SCHIP1: variants seen among roughly 807,000 people sequenced by gnomAD.
SCHIP1 encodes schwannomin-interacting protein 1.
Under a neutral mutation model 29.7 loss-of-function variants are expected in SCHIP1, and 8 were observed. The ratio of observed to expected loss-of-function variants is 0.27; its 90% CI spans 0.16 to 0.49. The LOEUF (loss-of-function observed/expected upper bound fraction) is 0.49. SCHIP1 is among the 20% of genes least tolerant of loss of function. The pLI is 0.99. For missense variants in SCHIP1, 193 were observed against 294.6 expected, an observed-to-expected ratio of 0.66 and a Z score of 2.52; for synonymous variants, 76 against 94.9, an observed-to-expected ratio of 0.80 and a Z score of 1.16.
At chr3:159,851,116 AT>A (rs1487177427) in intron 1 of SCHIP1, among the ~76,000 whole-genome samples, 5 of 152,092 alleles carry the variant, frequency 3.3e-5, no homozygotes, top group African/African-American at 1.2e-4. Context: ...CCTACAAAAA[AT>A]TTTTTAAATT....
At chr3:159,640,601 A>G in the SCHIP1 span, among the ~76,000 whole-genome samples, 4 of 152,154 alleles carry the variant, frequency 2.6e-5, no homozygotes, top group Non-Finnish European at 4.4e-5. Flanking sequence ...GCCTTAATTT[A>G]TGAGAAACTG....
At chr3:159,876,797 C>A (rs1364118347) in intron 2 of SCHIP1, among the ~76,000 whole-genome samples, 2 of 152,214 alleles carry the variant, frequency 1.3e-5, no homozygotes, top group African/African-American at 2.4e-5. Context: ...AACTTTCCAG[C>A]TCTCCACTTA....
chr3:159,687,281 G>C, the SCHIP1 span, among the ~76,000 whole-genome samples: 12 of 151,850 alleles, frequency 7.9e-5, no homozygotes, highest in African/African-American at 2.9e-4. Context: ...TCCCCACCAA[G>C]ACTCAACCAA....
chr3:159,398,161 G>A, the SCHIP1 span, among the ~76,000 whole-genome samples: 2 of 152,132 alleles, frequency 1.3e-5, no homozygotes, highest in Admixed American at 6.6e-5. Flanking sequence ...CCCGAGTGAG[G>A]CAATGCCTCA....
At chr3:159,510,468 C>T in the SCHIP1 span, among the ~76,000 whole-genome samples, 1 of 152,220 alleles carries the variant, frequency 6.6e-6, no homozygotes, top group Non-Finnish European at 1.5e-5. Flanking sequence ...TCTCTCAACT[C>T]GTCAAAGTCA....
the SCHIP1 span, among the ~76,000 whole-genome samples, chr3:159,469,376 T>G: frequency 1.3e-5 from 2 of 152,186 alleles, no homozygotes; most frequent in African/African-American, 4.8e-5. Flanking sequence ...CATCCTAATT[T>G]AAGCATAATT....
At position 159,882,996 on chromosome 3, in the gene SCHIP1, G is replaced by A. The variant is rs185652477; in HGVS notation, c.150-3211G>A. Among the ~76,000 whole-genome samples the A allele has an allele frequency of 3.7e-4, 57 of 152,306 alleles. 1 individual carries two copies. Among genetic ancestry groups the A allele is most frequent in the Admixed American group, 3.3e-3 (51 of 15,302 alleles). ...ATGTTTCCGGGCATTCTCCGTCAAG[G>A]ACACTTTCTTTCCAGACCCCTGGTG... On this transcript the variant is annotated intron_variant, in intron 2 of 6. Transcript: ENST00000445224.
At chr3:159,726,124 T>A in the SCHIP1 span, among the ~76,000 whole-genome samples, 1 of 152,146 alleles carries the variant, frequency 6.6e-6, no homozygotes, top group Admixed American at 6.5e-5. Flanking sequence ...TAAAACTGAA[T>A]GAAGGTATAT....
At chr3:159,881,899 G>A (rs552639885) in intron 2 of SCHIP1, among the ~76,000 whole-genome samples, 11 of 152,358 alleles carry the variant, frequency 7.2e-5, no homozygotes, top group African/African-American at 1.7e-4. Flanking sequence ...TCTCACACGT[G>A]TCTAGGGCTT....
Position 159,866,160 on chromosome 3 carries a change from T to A in SCHIP1, c.31-3T>A, listed in dbSNP as rs2109257545. 1.2e-6 allele frequency: 2 copies of A among 1,612,758 alleles called. No homozygotes were observed. The highest frequency in any genetic ancestry group is 4.5e-5 in the East Asian group (2 of 44,858). The stretch of plus-strand genomic sequence containing the variant: ...AGCATTTTTTATTTTCTTGAAATTT[T>A]AGGCACAGAAAAATGAGAGAGAGTC... On this transcript the variant is annotated splice_polypyrimidine_tract_variant and splice_region_variant and intron_variant, in intron 1 of 6. Transcript: ENST00000445224.
chr3:159,547,951 T>C, the SCHIP1 span, among the ~76,000 whole-genome samples: 1 of 152,200 alleles, frequency 6.6e-6, no homozygotes, highest in Admixed American at 6.6e-5. Context: ...TGATTTTCTG[T>C]AGTATTCTAT....
At chr3:159,680,693 ATATAATATATATTATATATAATATATG>A in the SCHIP1 span, among the ~76,000 whole-genome samples, 1 of 6,882 alleles carries the variant, frequency 1.5e-4, no homozygotes, top group East Asian at 0.011. Context: ...ATATGTATAT[ATATAATATATATTATATATAATATATG>A]TATATATATA....
chr3:159,754,057 C>T, the SCHIP1 span, among the ~76,000 whole-genome samples: 1 of 128,816 alleles, frequency 7.8e-6, no homozygotes, highest in Non-Finnish European at 1.8e-5. Context: ...TGTTCCTCCA[C>T]TAGACTTAAA....
At chr3:159,810,683 G>A in the SCHIP1 span, among the ~76,000 whole-genome samples, 3 of 152,268 alleles carry the variant, frequency 2.0e-5, no homozygotes, top group African/African-American at 4.8e-5. Context: ...TTGTATGGCC[G>A]TATTATATTT....
the SCHIP1 span, among the ~76,000 whole-genome samples, chr3:159,415,642 T>A: frequency 6.6e-6 from 1 of 152,234 alleles, no homozygotes; most frequent in African/African-American, 2.4e-5. Flanking sequence ...TTTATGGCTG[T>A]GTAGTATTCC....
At chr3:159,726,269 A>C in the SCHIP1 span, among the ~76,000 whole-genome samples, 3 of 152,228 alleles carry the variant, frequency 2.0e-5, no homozygotes, top group South Asian at 2.1e-4. Flanking sequence ...CTTCTGCTGT[A>C]CTGGATTTGC....
the SCHIP1 span, among the ~76,000 whole-genome samples, chr3:159,749,361 TA>T: frequency 4.6e-3 from 652 of 141,170 alleles, 2 homozygotes; most frequent in Non-Finnish European, 4.4e-3. Context: ...AAAGAGAATT[TA>T]AAAAAAAAAA....
chr3:159,555,165 T>C, the SCHIP1 span, among the ~76,000 whole-genome samples: 1 of 152,208 alleles, frequency 6.6e-6, no homozygotes, highest in Non-Finnish European at 1.5e-5. Flanking sequence ...TCTAGGTTCA[T>C]GAGTAGGGCT....
chr3:159,340,785 TG>T, the SCHIP1 span, among the ~76,000 whole-genome samples: 1 of 151,984 alleles, frequency 6.6e-6, no homozygotes, highest in Non-Finnish European at 1.5e-5. Context: ...CATTATAATT[TG>T]GGGGGGCGCA....
Sources: allele counts gnomAD v4.1 joint callset (sites outside exome capture counted in the v4.1 genomes callset), GRCh38; gene constraint gnomAD v4.1.1; transcripts MANE v1.5; gene names NCBI Gene and HGNC (gene_info 2026-07-23, HGNC 2026-07-21).